Variants in GPHN observed in about 807,000 individuals in gnomAD.
GPHN encodes the protein gephyrin.
GPHN carries 17 observed loss-of-function variants against 95.5 expected under a neutral mutation model. The observed-to-expected ratio is 0.18, with a 90% CI of 0.12 to 0.27. The LOEUF is 0.27. GPHN is among the 10% of genes least tolerant of loss of function. The pLI, the probability that GPHN is intolerant of heterozygous loss-of-function variation, is 1.00. For missense variants in GPHN, 660 were observed against 978.1 expected (o/e 0.67, Z 4.34); for synonymous variants, 320 against 322.5 (o/e 0.99, Z 0.08).
intron 9 of GPHN, among the ~76,000 whole-genome samples, chr14:67,010,566 A>AG (rs1555463169): frequency 1.6e-4 from 25 of 151,542 alleles, no homozygotes; most frequent in Admixed American, 7.2e-4. Flanking sequence ...AAAAAAAAAA[A>AG]AAAGAAAGAA....
chr14:67,656,425 G>C, the GPHN span: 8 of 1,609,630 alleles, frequency 5.0e-6, no homozygotes, highest in African/African-American at 6.7e-5. Context: ...CTCTACTCTT[G>C]GTACGTTCTA....
chr14:67,659,493 G>A, the GPHN span, among the ~76,000 whole-genome samples: 2 of 151,256 alleles, frequency 1.3e-5, no homozygotes, highest in Non-Finnish European at 2.9e-5. Flanking sequence ...TTATAAGACT[G>A]TATTATATTA....
intron 4 of GPHN, among the ~76,000 whole-genome samples, chr14:66,831,529 A>G (rs747456452): frequency 6.6e-6 from 1 of 152,148 alleles, no homozygotes; most frequent in South Asian, 2.1e-4. Flanking sequence ...TTCCCATGTC[A>G]TATCTTTGTC....
the GPHN span, among the ~76,000 whole-genome samples, chr14:67,532,264 G>A: frequency 6.6e-6 from 1 of 152,192 alleles, no homozygotes; most frequent in African/African-American, 2.4e-5. Flanking sequence ...TGGTGCCTGG[G>A]ATGAGTCTTC....
chr14:67,008,225 G>A (rs910755132), intron 9 of GPHN, among the ~76,000 whole-genome samples: 3 of 151,952 alleles, frequency 2.0e-5, no homozygotes, highest in African/African-American at 4.8e-5. Context: ...AGGCCAAGGC[G>A]GGCGGATCAC....
the GPHN span, chr14:67,651,370 C>A: frequency 6.2e-7 from 1 of 1,613,468 alleles, no homozygotes; most frequent in South Asian, 1.1e-5. Flanking sequence ...TCCACAAACC[C>A]TTCCCTATAG....
chr14:67,502,817 C>G, the GPHN span, among the ~76,000 whole-genome samples: 11 of 152,146 alleles, frequency 7.2e-5, no homozygotes, highest in Non-Finnish European at 1.5e-4. Context: ...TATTTCCCAG[C>G]AGCCAACCAA....
At chr14:66,744,147 A>C (rs2073041072) in intron 2 of GPHN, among the ~76,000 whole-genome samples, 1 of 152,172 alleles carries the variant, frequency 6.6e-6, no homozygotes, top group Admixed American at 6.5e-5. Flanking sequence ...TCTGCCTATA[A>C]CCTGATTATA....
At chr14:66,661,925 A>G (rs1316871698) in intron 1 of GPHN, among the ~76,000 whole-genome samples, 2 of 152,200 alleles carry the variant, frequency 1.3e-5, no homozygotes, top group Non-Finnish European at 2.9e-5. Flanking sequence ...TTCCTTAAGC[A>G]GTCCCCGATC....
intron 19 of GPHN, among the ~76,000 whole-genome samples, chr14:67,164,501 T>G (rs1341600730): frequency 6.6e-6 from 1 of 152,038 alleles, no homozygotes; most frequent in African/African-American, 2.4e-5. Context: ...TAATCTGCTT[T>G]CTTTTTTTTT....
chr14:67,673,230 A>G, the GPHN span, among the ~76,000 whole-genome samples: 2 of 152,122 alleles, frequency 1.3e-5, no homozygotes, highest in Non-Finnish European at 2.9e-5. Context: ...TGTAATCCCT[A>G]TTACTCCAGA....
chr14:67,088,773 C>T (rs2077011051), intron 11 of GPHN, among the ~76,000 whole-genome samples: 1 of 152,190 alleles, frequency 6.6e-6, no homozygotes, highest in African/African-American at 2.4e-5. Flanking sequence ...TCTCTGCAAA[C>T]ATTGCCATGA....
chr14:67,729,313 G>C, the GPHN span: 1 of 1,600,970 alleles, frequency 6.2e-7, no homozygotes, highest in East Asian at 2.2e-5. Context: ...GGCACGGGAG[G>C]GGGCGCAGAC....
the GPHN span, chr14:67,340,205 A>C: frequency 2.2e-6 from 1 of 456,446 alleles, no homozygotes; most frequent in African/African-American, 1.9e-5. Context: ...AATCAAACCT[A>C]AACAGTTTCT....
chr14:67,252,392 C>T, the GPHN span, among the ~76,000 whole-genome samples: 1 of 152,092 alleles, frequency 6.6e-6, no homozygotes, highest in Admixed American at 6.5e-5. Context: ...TGGTCTCCAG[C>T]AGTCCTCCAG....
intron 9 of GPHN, among the ~76,000 whole-genome samples, chr14:67,005,345 T>A (rs973239251): frequency 1.3e-5 from 2 of 151,862 alleles, no homozygotes; most frequent in African/African-American, 4.8e-5. Flanking sequence ...AGGCAGCACC[T>A]CCTTGAGAAA....
chr14:67,098,229 C>A (rs1222850617), intron 12 of GPHN, among the ~76,000 whole-genome samples: 1 of 152,064 alleles, frequency 6.6e-6, no homozygotes, highest in Admixed American at 6.5e-5. Flanking sequence ...ATAGAAGCAG[C>A]GTCTAGGTTT....
chr14:67,192,051 C>G, the GPHN span, among the ~76,000 whole-genome samples: 13 of 152,214 alleles, frequency 8.5e-5, no homozygotes, highest in African/African-American at 3.1e-4. Flanking sequence ...AGTGCTAGAA[C>G]GAGCTCATCC....
At chr14:67,502,354 A>G in the GPHN span, among the ~76,000 whole-genome samples, 3 of 151,344 alleles carry the variant, frequency 2.0e-5, no homozygotes, top group South Asian at 6.3e-4. Flanking sequence ...GAAAGAAAAA[A>G]AAAGAAAAAA....
Sources: gnomAD v4.1 joint callset for allele counts (sites outside exome capture counted in the v4.1 genomes callset) on GRCh38, gnomAD v4.1.1 for gene constraint, MANE v1.5 for transcripts, NCBI Gene and HGNC (gene_info 2026-07-23, HGNC 2026-07-21) for gene names.